The following PPP2R2C variants were observed in gnomAD, a reference collection of about 807,000 sequenced individuals.
The protein encoded by PPP2R2C is protein phosphatase 2 regulatory subunit Bgamma, also known as protein phosphatase 2, regulatory subunit B, gamma.
PPP2R2C carries 10 observed loss-of-function variants against 45.3 expected under a neutral mutation model. The observed-to-expected ratio is 0.22, with a 90% CI of 0.14 to 0.37. The LOEUF (loss-of-function observed/expected upper bound fraction) is 0.37. Among genes scored for constraint, PPP2R2C ranks in the 10% least tolerant of loss-of-function variants. The pLI is 1.00. For missense variants in PPP2R2C, 308 were observed against 619.7 expected, an observed-to-expected ratio of 0.50 and a Z score of 5.34; for synonymous variants, 257 against 245.4, an observed-to-expected ratio of 1.05 and a Z score of -0.44.
At chr4:6,383,240 C>T in intron 1 of PPP2R2C, 1 of 1,201,772 alleles carries the variant, frequency 8.3e-7, no homozygotes, top group Non-Finnish European at 1.1e-6. Flanking sequence ...GAAGAACCCC[C>T]CCAACCCCCG....
At chr4:6,375,115 T>G (rs952725202) in intron 4 of PPP2R2C, among the ~76,000 whole-genome samples, 1 of 152,104 alleles carries the variant, frequency 6.6e-6, no homozygotes, top group Non-Finnish European at 1.5e-5. Flanking sequence ...TCATAAACTT[T>G]CTTGGGACGG....
chr4:6,562,785 T>G (rs1296653803), intron 1 of PPP2R2C, among the ~76,000 whole-genome samples: 2 of 152,048 alleles, frequency 1.3e-5, no homozygotes, highest in Non-Finnish European at 2.9e-5. Flanking sequence ...AGGGCGAAGC[T>G]AGGATTCAAT....
intron 1 of PPP2R2C, among the ~76,000 whole-genome samples, chr4:6,422,263 G>A (rs1458629053): frequency 3.9e-5 from 6 of 152,180 alleles, no homozygotes; most frequent in African/African-American, 1.2e-4. Context: ...CGCCACTTGC[G>A]TGAGACCAAG....
intron 1 of PPP2R2C, among the ~76,000 whole-genome samples, chr4:6,452,507 T>C (rs896962721): frequency 9.2e-5 from 14 of 152,152 alleles, no homozygotes; most frequent in Non-Finnish European, 1.8e-4. Context: ...GGCCCCAAGA[T>C]AGAGTCCCCA....
chr4:6,472,623 T>G (rs1721975145), upstream of PPP2R2C, among the ~76,000 whole-genome samples: 1 of 146,808 alleles, frequency 6.8e-6, no homozygotes, highest in Non-Finnish European at 1.5e-5. Context: ...CTGCGCGGGC[T>G]GGGGCCGCCG....
chr4:6,541,103 T>C (rs1357714645), intron 1 of PPP2R2C, among the ~76,000 whole-genome samples: 1 of 152,232 alleles, frequency 6.6e-6, no homozygotes, highest in African/African-American at 2.4e-5. Flanking sequence ...AGTCATTCTC[T>C]GTGGAGGATC....
At chr4:6,327,289 G>A (rs902225194) in intron 8 of PPP2R2C, among the ~76,000 whole-genome samples, 1 of 152,222 alleles carries the variant, frequency 6.6e-6, no homozygotes, top group Non-Finnish European at 1.5e-5. Flanking sequence ...ACAGTGAGGC[G>A]GGTGGGGGAC....
chr4:6,470,889 C>T (rs750999603), intron 1 of PPP2R2C, among the ~76,000 whole-genome samples: 22 of 151,938 alleles, frequency 1.4e-4, no homozygotes, highest in Non-Finnish European at 2.9e-4. Flanking sequence ...GCGCGGCCCC[C>T]GCAGCCTCCC....
rs529262500 is a variant in PPP2R2C at position 6,330,538 on chromosome 4, A to T, written c.961-1185T>A. Among the ~76,000 whole-genome samples, 192 of 151,810 alleles carry T rather than the reference A, an allele frequency of 1.3e-3. No homozygotes were observed. Among genetic ancestry groups the T allele is most frequent in the Admixed American group, 2.0e-3 (30 of 15,260 alleles). Reference sequence around the variant, plus strand: ...GAAGGCCCTGATAGAACAAAGACAGACCTCCCTGAGGACCGGGGGATTCCG... The same window carrying T: ...GAAGGCCCTGATAGAACAAAGACAGTCCTCCCTGAGGACCGGGGGATTCCG... On this transcript the variant is annotated intron_variant, in intron 7 of 8. Coordinates refer to ENST00000382599, the MANE Select transcript of PPP2R2C (RefSeq NM_020416.4). The surrounding 1 kb of genome is among the most constrained non-coding windows in gnomAD (Gnocchi z 7.0).
At chr4:6,481,078 C>T (rs2108778431) in intron 2 of PPP2R2C, among the ~76,000 whole-genome samples, 1 of 152,340 alleles carries the variant, frequency 6.6e-6, no homozygotes, top group East Asian at 1.9e-4. Context: ...AACCTATCCT[C>T]TGTCTGTTTC....
chr4:6,379,796 G>A (rs879440788), intron 2 of PPP2R2C, among the ~76,000 whole-genome samples: 2 of 152,190 alleles, frequency 1.3e-5, no homozygotes, highest in African/African-American at 2.4e-5. Context: ...GAGGGGAGTA[G>A]CCGCACTGCA....
chr4:6,558,528 CAG>C (rs1200865083), intron 1 of PPP2R2C, among the ~76,000 whole-genome samples: 1 of 152,214 alleles, frequency 6.6e-6, no homozygotes, highest in Non-Finnish European at 1.5e-5. Context: ...CCTAAAATAT[CAG>C]GGCATCCCCT....
intron 1 of PPP2R2C, among the ~76,000 whole-genome samples, chr4:6,429,136 CTTTA>C (rs1342353514): frequency 6.6e-6 from 1 of 152,074 alleles, no homozygotes; most frequent in African/African-American, 2.4e-5. Context: ...TCCAATCAAA[CTTTA>C]TTTACAAAGA....
At chr4:6,483,069 C>T (rs1722411999) in intron 2 of PPP2R2C, among the ~76,000 whole-genome samples, 1 of 151,572 alleles carries the variant, frequency 6.6e-6, no homozygotes, top group Admixed American at 6.6e-5. Context: ...CCTGACATTC[C>T]TAGGGTGAAC....
intron 5 of PPP2R2C, among the ~76,000 whole-genome samples, chr4:6,361,284 T>C (rs758259448): frequency 2.0e-5 from 3 of 152,226 alleles, no homozygotes; most frequent in African/African-American, 7.2e-5. Flanking sequence ...CTCTGTGTGG[T>C]GAGTCCATCT....
rs1364022608 is a variant in PPP2R2C, at chr4:6,331,097, A to G, written c.961-1744T>C. On this transcript the variant is annotated intron_variant, in intron 7 of 8. Transcript: ENST00000382599. The surrounding 1 kb of genome is among the most constrained non-coding windows in gnomAD (Gnocchi z 5.9). ...AGGGGGATGAATGGCAGCAGGTTTT[A>G]GTGTTCGTGTCCCACCCCCGGCTCT... 6.6e-6 allele frequency among the ~76,000 whole-genome samples: 1 copy of G among 152,086 alleles called. No homozygotes were observed. The highest frequency in any genetic ancestry group is 1.5e-5 in the Non-Finnish European group (1 of 68,002).
intron 3 of PPP2R2C, among the ~76,000 whole-genome samples, 173 bp from the exon 4 acceptor site, chr4:6,376,104 C>T (rs974982277): frequency 2.6e-5 from 4 of 152,224 alleles, no homozygotes; most frequent in Non-Finnish European, 4.4e-5. Flanking sequence ...CAGCCTTCGG[C>T]CTCCCTGCAG....
chr4:6,464,449 C>T lies in PPP2R2C; in HGVS notation c.70+7711G>A, dbSNP rs144822103. Reference sequence around the variant, plus strand: ...ACCCAAGACACTGGGAGAGGAGAGTCCACATTTCAAGGCAGACACAGCCTT... The same window carrying T: ...ACCCAAGACACTGGGAGAGGAGAGTTCACATTTCAAGGCAGACACAGCCTT... On this transcript the variant is annotated intron_variant, in intron 1 of 8. Coordinates refer to ENST00000382599, the MANE Select transcript of PPP2R2C (RefSeq NM_020416.4). 2.2e-3 allele frequency among the ~76,000 whole-genome samples: 336 copies of T among 152,298 alleles called. 1 individual carries two copies. The highest frequency in any genetic ancestry group is 4.1e-3 in the South Asian group (20 of 4,826).
At chr4:6,442,483 T>C (rs1416795723) in intron 1 of PPP2R2C, among the ~76,000 whole-genome samples, 2 of 152,204 alleles carry the variant, frequency 1.3e-5, no homozygotes, top group African/African-American at 4.8e-5. Context: ...GGACTGATCA[T>C]TCAGTCCAGT....
Sources: gnomAD v4.1 joint callset for allele counts (sites outside exome capture counted in the v4.1 genomes callset) on GRCh38, gnomAD v4.1.1 for gene constraint, Gnocchi (gnomAD v3.1) non-coding constraint, MANE v1.5 for transcripts, NCBI Gene and HGNC (gene_info 2026-07-23, HGNC 2026-07-21) for gene names.